GPC6: variants seen among roughly 807,000 people sequenced by gnomAD.
The protein encoded by GPC6 is glypican-6.
In GPC6, 14 loss-of-function variants were observed where a neutral mutation model predicts 55.2. The observed-to-expected ratio is 0.25, with a 90% CI of 0.17 to 0.40. The LOEUF is 0.40. Among genes scored for constraint, GPC6 ranks in the 10% least tolerant of loss-of-function variants. The pLI, the probability that GPC6 is intolerant of heterozygous loss-of-function variation, is 1.00. For synonymous variants in GPC6, 278 were observed against 259.6 expected, an observed-to-expected ratio of 1.07 and a Z score of -0.68; for missense variants, 641 against 708.5, an observed-to-expected ratio of 0.90 and a Z score of 1.08.
intron 2 of GPC6, among the ~76,000 whole-genome samples, chr13:93,795,049 T>A (rs748648225): frequency 7.2e-5 from 11 of 152,144 alleles, no homozygotes; most frequent in Non-Finnish European, 1.5e-4. Flanking sequence ...TGAACCAAAC[T>A]GTTACAGGAA....
chr13:94,360,200 C>CA (rs1878992977), intron 6 of GPC6, among the ~76,000 whole-genome samples: 1 of 152,160 alleles, frequency 6.6e-6, no homozygotes, highest in Non-Finnish European at 1.5e-5. Flanking sequence ...TTAGGACTTT[C>CA]ATTTTTTCAC....
At chr13:93,833,147 GA>G (rs1887593011) in intron 3 of GPC6, among the ~76,000 whole-genome samples, 1 of 139,708 alleles carries the variant, frequency 7.2e-6, no homozygotes, top group Non-Finnish European at 1.5e-5. Flanking sequence ...GAGAGAGAGA[GA>G]GAGAGAGAGA....
intron 5 of GPC6, among the ~76,000 whole-genome samples, chr13:94,287,425 G>A (rs1252966165): frequency 6.6e-6 from 1 of 152,202 alleles, no homozygotes; most frequent in Non-Finnish European, 1.5e-5. Flanking sequence ...GGAGGGGACA[G>A]GTAGTAGGAA....
At position 94,158,230 on chromosome 13, in the gene GPC6, T is replaced by C. The variant is rs528317557; in HGVS notation, c.878-128119T>C. Among the ~76,000 whole-genome samples the C allele has an allele frequency of 3.7e-4, 57 of 152,274 alleles. 1 individual carries two copies. In the South Asian group the frequency reaches 0.011, roughly 30 times the overall value. On this transcript the variant is annotated intron_variant, in intron 4 of 8. Coordinates refer to ENST00000377047, the MANE Select transcript of GPC6 (RefSeq NM_005708.5). ...ATCAAGAGCCTTTTCAGTGCTACAA[T>C]TGAGATACTAGCTGTGAATCAATGT...
chr13:94,210,838 C>A (rs941150644), intron 4 of GPC6, among the ~76,000 whole-genome samples: 3 of 152,206 alleles, frequency 2.0e-5, no homozygotes, highest in African/African-American at 7.2e-5. Flanking sequence ...AATACCAGGG[C>A]ATAAAACAAA....
intron 1 of GPC6, among the ~76,000 whole-genome samples, chr13:93,288,892 A>G (rs1342027709): frequency 6.6e-6 from 1 of 152,150 alleles, no homozygotes; most frequent in East Asian, 1.9e-4. Flanking sequence ...GAGTAAATGT[A>G]AATCTTCATA....
intron 4 of GPC6, among the ~76,000 whole-genome samples, chr13:94,225,403 T>C (rs1322306403): frequency 6.6e-6 from 1 of 152,136 alleles, no homozygotes; most frequent in Non-Finnish European, 1.5e-5. Flanking sequence ...TCTTCAATGT[T>C]GGCAGAATTC....
chr13:93,425,334 A>G (rs1253567400), intron 1 of GPC6, among the ~76,000 whole-genome samples: 2 of 152,272 alleles, frequency 1.3e-5, no homozygotes, highest in East Asian at 1.9e-4. Context: ...AAGCACCTCA[A>G]ATGAAATCTA....
chr13:93,922,209 A>G (rs375666946), intron 3 of GPC6, among the ~76,000 whole-genome samples: 15 of 152,188 alleles, frequency 9.9e-5, no homozygotes, highest in East Asian at 9.7e-4. Flanking sequence ...CCCAATAAAC[A>G]AATGCCTCCT....
rs1434674342 is a variant in GPC6 at position 93,757,998 on chromosome 13, TC to T, written c.320-72154del. Among the ~76,000 whole-genome samples, 6 of 152,174 alleles carry T rather than the reference TC, an allele frequency of 3.9e-5. No homozygotes were observed. In the South Asian group the frequency reaches 1.0e-3, roughly 26 times the overall value. Reference sequence around the variant, plus strand: ...ATTCTAAATTACATCCAGTCACTGTTCCTGTAAGCAGTCATTTCATATTTTC... The same window carrying T: ...ATTCTAAATTACATCCAGTCACTGTTCTGTAAGCAGTCATTTCATATTTTC... On this transcript the variant is annotated intron_variant, in intron 2 of 8. Coordinates refer to ENST00000377047, the MANE Select transcript of GPC6 (RefSeq NM_005708.5).
chr13:94,172,558 A>G (rs900982551), intron 4 of GPC6, among the ~76,000 whole-genome samples: 1 of 152,218 alleles, frequency 6.6e-6, no homozygotes, highest in Non-Finnish European at 1.5e-5. Context: ...AAACTCAGCC[A>G]TACTTATTCA....
intron 1 of GPC6, among the ~76,000 whole-genome samples, chr13:93,244,217 C>T (rs1876527576): frequency 6.6e-6 from 1 of 152,174 alleles, no homozygotes; most frequent in South Asian, 2.1e-4. Flanking sequence ...CACCCAGCTC[C>T]CATGCCTTTG....
intron 6 of GPC6, among the ~76,000 whole-genome samples, chr13:94,314,545 G>A (rs1015557637): frequency 1.7e-4 from 26 of 152,278 alleles, no homozygotes; most frequent in African/African-American, 5.5e-4. Context: ...ATGGAAGTCT[G>A]GATAGACAAG....
chr13:93,953,352 C>G (rs189003074), intron 3 of GPC6, among the ~76,000 whole-genome samples: 1 of 152,152 alleles, frequency 6.6e-6, no homozygotes, highest in Non-Finnish European at 1.5e-5. Context: ...TTGCCTCCTA[C>G]TTTCCCCTTC....
chr13:94,258,664 C>T (rs893914917), intron 4 of GPC6, among the ~76,000 whole-genome samples: 1 of 152,150 alleles, frequency 6.6e-6, no homozygotes, highest in African/African-American at 2.4e-5. Context: ...TGCCTTTTTC[C>T]AAACATGGCA....
chr13:94,188,334 A>G (rs1889270049), intron 4 of GPC6, among the ~76,000 whole-genome samples: 1 of 152,182 alleles, frequency 6.6e-6, no homozygotes, highest in African/African-American at 2.4e-5. Flanking sequence ...TTAAGGCAGC[A>G]CAAGGTCACT....
At chr13:93,451,383 G>C (rs1378474150) in intron 1 of GPC6, among the ~76,000 whole-genome samples, 1 of 152,190 alleles carries the variant, frequency 6.6e-6, no homozygotes, top group African/African-American at 2.4e-5. Flanking sequence ...TATGGCCTGT[G>C]GGCTAAATGT....
At chr13:93,934,836 A>T (rs1347457742) in intron 3 of GPC6, among the ~76,000 whole-genome samples, 1 of 148,614 alleles carries the variant, frequency 6.7e-6, no homozygotes, top group Non-Finnish European at 1.5e-5. Context: ...AAATTTAAGG[A>T]TACAATATGT....
At chr13:93,308,510 C>G (rs1233139620) in intron 1 of GPC6, among the ~76,000 whole-genome samples, 1 of 152,126 alleles carries the variant, frequency 6.6e-6, no homozygotes, top group Non-Finnish European at 1.5e-5. Flanking sequence ...GGCATGATCT[C>G]AGCTCACTGG....
Sources: allele counts gnomAD v4.1 joint callset (sites outside exome capture counted in the v4.1 genomes callset), GRCh38; gene constraint gnomAD v4.1.1; transcripts MANE v1.5; gene names NCBI Gene and HGNC (gene_info 2026-07-23, HGNC 2026-07-21).